EMCN: variants seen among roughly 807,000 people sequenced by gnomAD.
EMCN encodes the protein MUC-14.
In EMCN, 37 loss-of-function variants were observed where a neutral mutation model predicts 38.4. That is an observed-to-expected ratio of 0.96 (90% CI 0.74 to 1.27). The LOEUF is 1.27. Among genes scored for constraint, EMCN ranks in the 50% most tolerant of loss-of-function variants. The pLI, the probability that EMCN is intolerant of heterozygous loss-of-function variation, is 0.00. For missense variants in EMCN, 318 were observed against 302.8 expected (o/e 1.05, Z -0.37); for synonymous variants, 95 against 100.8 (o/e 0.94, Z 0.35).
rs916263295 is a variant in EMCN, at chr4:100,395,448, A to G, written c.*2965T>C. On this transcript the variant is annotated 3_prime_UTR_variant, in exon 12 of 12. Transcript: ENST00000296420. ...TCAGGGGATAATCCATCCATTAAGAATTCTCCATTAAGAATACTCATTATA... is the reference window on the plus strand; with the variant it reads ...TCAGGGGATAATCCATCCATTAAGAGTTCTCCATTAAGAATACTCATTATA... The G allele has an allele frequency of 6.6e-6, 1 of 152,156 alleles. No homozygotes were observed. Among genetic ancestry groups the G allele is most frequent in the African/African-American group, 2.4e-5 (1 of 41,456 alleles). 9.4% of individuals were successfully genotyped at this position (152,156 alleles called of 1,614,324 possible).
chr4:100,408,947 C>T (rs1209337921), intron 11 of EMCN, among the ~76,000 whole-genome samples: 1 of 152,162 alleles, frequency 6.6e-6, no homozygotes, highest in Non-Finnish European at 1.5e-5. Context: ...TCCAAGATTC[C>T]TAATCCATCC....
chr4:100,396,032 A>G lies in EMCN; in HGVS notation c.*2381T>C, dbSNP rs373228400. 16 of 152,330 alleles carry G rather than the reference A, an allele frequency of 1.1e-4. No homozygotes were observed. Among genetic ancestry groups the G allele is most frequent in the African/African-American group, 3.8e-4 (16 of 41,584 alleles). 9.4% of individuals were successfully genotyped at this position (152,330 alleles called of 1,614,324 possible). ...GTATCAGAATAAAAAACTTACAGTAAGCCAGGCATAAAAAGTAGATCATCT... is the reference window on the plus strand; with the variant it reads ...GTATCAGAATAAAAAACTTACAGTAGGCCAGGCATAAAAAGTAGATCATCT... On this transcript the variant is annotated 3_prime_UTR_variant, in exon 12 of 12. Coordinates refer to ENST00000296420, the MANE Select transcript of EMCN (RefSeq NM_016242.4).
At chr4:100,433,481 G>T (rs998943373) in intron 5 of EMCN, among the ~76,000 whole-genome samples, 1 of 152,016 alleles carries the variant, frequency 6.6e-6, no homozygotes, top group Non-Finnish European at 1.5e-5. Flanking sequence ...TTGATTGATG[G>T]ATCACTTGGT....
chr4:100,411,959 T>C (rs910459993), intron 10 of EMCN, among the ~76,000 whole-genome samples: 16 of 152,298 alleles, frequency 1.1e-4, no homozygotes, highest in African/African-American at 3.8e-4. Context: ...GGTTTTTTTT[T>C]GTTGTTAATG....
intron 11 of EMCN, among the ~76,000 whole-genome samples, chr4:100,401,457 A>G (rs1392888490): frequency 6.6e-6 from 1 of 152,154 alleles, no homozygotes; most frequent in Non-Finnish European, 1.5e-5. Context: ...GACTTGAGCA[A>G]CCACAGATTT....
intron 8 of EMCN, among the ~76,000 whole-genome samples, 185 bp from the exon 9 acceptor site, chr4:100,417,326 C>G (rs1295893551): frequency 1.3e-5 from 2 of 152,154 alleles, no homozygotes; most frequent in Admixed American, 1.3e-4. Flanking sequence ...AATACTTATC[C>G]TGGCACTCAT....
chr4:100,444,249 T>A (rs930191680), intron 5 of EMCN, among the ~76,000 whole-genome samples: 33 of 152,192 alleles, frequency 2.2e-4, no homozygotes, highest in African/African-American at 7.5e-4. Context: ...TTGTGCCACA[T>A]CTGTCTGGCC....
chr4:100,480,413 T>G (rs184328370), intron 1 of EMCN, among the ~76,000 whole-genome samples: 1 of 152,056 alleles, frequency 6.6e-6, no homozygotes, highest in Non-Finnish European at 1.5e-5. Context: ...TATTTTTACA[T>G]CACATTAAAG....
At chr4:100,490,407 A>C (rs750794670) in intron 1 of EMCN, among the ~76,000 whole-genome samples, 1 of 152,158 alleles carries the variant, frequency 6.6e-6, no homozygotes, top group African/African-American at 2.4e-5. Context: ...GTATAGCCCA[A>C]GTATACAGTG....
intron 2 of EMCN, among the ~76,000 whole-genome samples, 191 bp from the exon 3 acceptor site, chr4:100,475,300 C>G (rs1235501537): frequency 8.0e-6 from 1 of 124,432 alleles, no homozygotes; most frequent in South Asian, 3.2e-4. Context: ...ATTTGGGTGG[C>G]CTACACACAC....
chr4:100,431,279 G>A (rs949144264), intron 5 of EMCN, among the ~76,000 whole-genome samples: 9 of 152,170 alleles, frequency 5.9e-5, no homozygotes, highest in South Asian at 2.1e-4. Context: ...GTTGCTGTAG[G>A]AATATTGTGA....
chr4:100,442,103 C>T (rs1306837929), intron 5 of EMCN, among the ~76,000 whole-genome samples: 1 of 152,194 alleles, frequency 6.6e-6, no homozygotes, highest in Non-Finnish European at 1.5e-5. Context: ...ATTCCTTCAG[C>T]TTTTCTTGTC....
At chr4:100,398,964 T>G (rs1387908636) in intron 11 of EMCN, among the ~76,000 whole-genome samples, 1 of 152,186 alleles carries the variant, frequency 6.6e-6, no homozygotes, top group African/African-American at 2.4e-5. Context: ...AACTGTACCC[T>G]ATCACTGATG....
At chr4:100,452,066 T>C (rs1727853224) in intron 4 of EMCN, among the ~76,000 whole-genome samples, 1 of 152,034 alleles carries the variant, frequency 6.6e-6, no homozygotes, top group African/African-American at 2.4e-5. Context: ...TAAGCTAACT[T>C]ACTCTTGGCA....
intron 1 of EMCN, among the ~76,000 whole-genome samples, chr4:100,504,731 G>T (rs746223710): frequency 2.0e-5 from 3 of 152,222 alleles, no homozygotes; most frequent in Non-Finnish European, 4.4e-5. Context: ...CGGTCTAGCG[G>T]TAGAGTCAGT....
intron 8 of EMCN, among the ~76,000 whole-genome samples, chr4:100,418,288 T>G (rs886565326): frequency 6.6e-6 from 1 of 152,158 alleles, no homozygotes; most frequent in African/African-American, 2.4e-5. Flanking sequence ...ACATAGTAGA[T>G]GTAGATATTT....
chr4:100,473,097 C>T (rs1728524118), intron 3 of EMCN, among the ~76,000 whole-genome samples: 1 of 148,918 alleles, frequency 6.7e-6, no homozygotes, highest in South Asian at 2.1e-4. Flanking sequence ...TCACTGCAAC[C>T]TCCACCTCCT....
intron 4 of EMCN, among the ~76,000 whole-genome samples, chr4:100,455,908 C>T (rs1246668392): frequency 2.0e-5 from 3 of 152,106 alleles, no homozygotes; most frequent in Non-Finnish European, 4.4e-5. Context: ...AATCCTCCTG[C>T]CTCACCCTCC....
intron 5 of EMCN, among the ~76,000 whole-genome samples, chr4:100,428,665 G>T (rs908384586): frequency 4.6e-5 from 7 of 152,234 alleles, no homozygotes; most frequent in Middle Eastern, 3.4e-3. Context: ...ATTGACTACT[G>T]TGAAAGATGA....
Sources: allele counts gnomAD v4.1 joint callset (sites outside exome capture counted in the v4.1 genomes callset), GRCh38; gene constraint gnomAD v4.1.1; transcripts MANE v1.5; gene names NCBI Gene and HGNC (gene_info 2026-07-23, HGNC 2026-07-21).